Variants in MCTP2 observed in about 807,000 individuals in gnomAD.
MCTP2 encodes the protein multiple C2 and transmembrane domain containing 2.
In MCTP2, 132 loss-of-function variants were observed where a neutral mutation model predicts 111.6. The observed-to-expected ratio is 1.18, with a 90% CI of 1.03 to 1.37. The LOEUF is 1.37. Ranked by LOEUF, MCTP2 falls within the 40% of genes most tolerant of loss-of-function variation. The pLI is 0.00. For synonymous variants in MCTP2, 395 were observed against 387.7 expected, an observed-to-expected ratio of 1.02 and a Z score of -0.22; for missense variants, 1,183 against 1,067.9, an observed-to-expected ratio of 1.11 and a Z score of -1.50.
chr15:94,376,147 G>A (rs1036220470), intron 12 of MCTP2, among the ~76,000 whole-genome samples: 1 of 152,166 alleles, frequency 6.6e-6, no homozygotes, highest in Non-Finnish European at 1.5e-5. Context: ...AAATCAGGGG[G>A]TTGCATTTCC....
chr15:94,323,216 A>C (rs1164025285), intron 4 of MCTP2, among the ~76,000 whole-genome samples: 1 of 152,226 alleles, frequency 6.6e-6, no homozygotes, highest in Non-Finnish European at 1.5e-5. Flanking sequence ...GCTTCAGAAC[A>C]ATGGGCAGGT....
intron 18 of MCTP2, among the ~76,000 whole-genome samples, 196 bp from the exon 19 acceptor site, chr15:94,442,723 G>A (rs967831872): frequency 6.6e-6 from 1 of 152,202 alleles, no homozygotes; most frequent in African/African-American, 2.4e-5. Context: ...ATGGTTTTAT[G>A]TAGATTATGC....
chr15:94,405,983 A>G (rs1042925708), intron 17 of MCTP2, among the ~76,000 whole-genome samples: 3 of 152,216 alleles, frequency 2.0e-5, no homozygotes, highest in Non-Finnish European at 4.4e-5. Flanking sequence ...GCCAAATAGA[A>G]CTGAAATATT....
chr15:94,282,245 A>T (rs1488821073), intron 1 of MCTP2, among the ~76,000 whole-genome samples: 1 of 152,014 alleles, frequency 6.6e-6, no homozygotes, highest in South Asian at 2.1e-4. Context: ...TTATTTTTTA[A>T]AATTCTCTTT....
At chr15:94,339,809 T>A (rs1596402673) in intron 5 of MCTP2, among the ~76,000 whole-genome samples, 1 of 152,154 alleles carries the variant, frequency 6.6e-6, no homozygotes, top group Admixed American at 6.5e-5. Flanking sequence ...ACTGCATGAG[T>A]TGAGTGCAGG....
intron 1 of MCTP2, among the ~76,000 whole-genome samples, chr15:94,257,565 TG>T: frequency 3.1e-5 from 2 of 64,274 alleles, no homozygotes; most frequent in South Asian, 6.1e-4. Context: ...TCATTTTCTT[TG>T]TTGTTTTTTT....
intron 1 of MCTP2, among the ~76,000 whole-genome samples, chr15:94,267,209 G>C (rs904932399): frequency 6.6e-6 from 1 of 152,156 alleles, no homozygotes; most frequent in Middle Eastern, 3.2e-3. Flanking sequence ...AAGTTTCCCT[G>C]TCCCTGTTGC....
intron 18 of MCTP2, among the ~76,000 whole-genome samples, chr15:94,442,034 A>G (rs1383706212): frequency 6.6e-6 from 1 of 152,216 alleles, no homozygotes; most frequent in Non-Finnish European, 1.5e-5. Context: ...TGGATACTTT[A>G]GAGTTACTCC....
At chr15:94,353,484 A>G (rs1177548774) in intron 8 of MCTP2, among the ~76,000 whole-genome samples, 2 of 152,210 alleles carry the variant, frequency 1.3e-5, no homozygotes, top group Non-Finnish European at 2.9e-5. Flanking sequence ...TAAACATCCA[A>G]TTTGAAATTA....
At chr15:94,410,197 C>G (rs36002624) in intron 17 of MCTP2, among the ~76,000 whole-genome samples, 1 of 152,110 alleles carries the variant, frequency 6.6e-6, no homozygotes, top group Non-Finnish European at 1.5e-5. Context: ...AAAGGCCTCG[C>G]TAAAACACAC....
At chr15:94,353,718 G>A (rs2078444021) in intron 8 of MCTP2, among the ~76,000 whole-genome samples, 1 of 152,102 alleles carries the variant, frequency 6.6e-6, no homozygotes, top group Non-Finnish European at 1.5e-5. Context: ...TTGTTGGTTG[G>A]CAAGTCAAAC....
chr15:94,245,420 G>A (rs1426952034), intron 1 of MCTP2, among the ~76,000 whole-genome samples: 6 of 76,762 alleles, frequency 7.8e-5, no homozygotes, highest in African/African-American at 1.9e-4. Context: ...TTATATACAT[G>A]TGTGTATATA....
intron 13 of MCTP2, among the ~76,000 whole-genome samples, chr15:94,384,777 A>T (rs2080359126): frequency 6.6e-6 from 1 of 152,206 alleles, no homozygotes; most frequent in South Asian, 2.1e-4. Flanking sequence ...AGTAGAGTTA[A>T]TGCTATTAGC....
chr15:94,296,496 C>T (rs548036940), intron 1 of MCTP2, among the ~76,000 whole-genome samples: 2 of 152,320 alleles, frequency 1.3e-5, no homozygotes, highest in South Asian at 4.1e-4. Flanking sequence ...CTCACCGCAG[C>T]CTCCCGAGGT....
intron 17 of MCTP2, among the ~76,000 whole-genome samples, chr15:94,438,451 C>CT (rs1281282439): frequency 1.3e-5 from 2 of 152,080 alleles, no homozygotes; most frequent in Non-Finnish European, 2.9e-5. Flanking sequence ...TGCAAAACAT[C>CT]TTTAAGTGTT....
At chr15:94,314,243 G>A in intron 2 of MCTP2, 39 bp from the exon 3 acceptor site, 1 of 1,473,468 alleles carries the variant, frequency 6.8e-7, no homozygotes, top group Non-Finnish European at 9.4e-7. Context: ...GTATTAATTT[G>A]CTTTTGTAAA....
chr15:94,403,233 T>A, intron 17 of MCTP2: 1 of 985,326 alleles, frequency 1.0e-6, no homozygotes, highest in East Asian at 1.1e-4. Flanking sequence ...TTGGCCTTAA[T>A]AAAAACACTA....
chr15:94,326,527 A>G (rs1355642654), intron 4 of MCTP2, among the ~76,000 whole-genome samples: 2 of 151,720 alleles, frequency 1.3e-5, no homozygotes, highest in African/African-American at 2.4e-5. Flanking sequence ...AAAGTGGGCC[A>G]CTTTTTGTTT....
intron 18 of MCTP2, among the ~76,000 whole-genome samples, chr15:94,440,887 C>T (rs1006662066): frequency 1.3e-5 from 2 of 152,164 alleles, no homozygotes; most frequent in Admixed American, 1.3e-4. Context: ...GACATCTCTC[C>T]GCATCTACTC....
Sources: allele counts gnomAD v4.1 joint callset (sites outside exome capture counted in the v4.1 genomes callset), GRCh38; gene constraint gnomAD v4.1.1; transcripts MANE v1.5; gene names NCBI Gene and HGNC (gene_info 2026-07-23, HGNC 2026-07-21).